PIGO: variants seen among roughly 807,000 people sequenced by gnomAD.
The protein encoded by PIGO is GPI ethanolamine phosphate transferase 3, catalytic subunit.
In PIGO, 66 loss-of-function variants were observed where a neutral mutation model predicts 86.9. That is an observed-to-expected ratio of 0.76 (90% CI 0.62 to 0.93). PIGO has a LOEUF of 0.93. Ranked by LOEUF, PIGO falls within the 40% of genes least tolerant of loss-of-function variation. The pLI, the probability that PIGO is intolerant of heterozygous loss-of-function variation, is 0.00. For missense variants in PIGO, 1,202 were observed against 1,359.1 expected, an observed-to-expected ratio of 0.88 and a Z score of 1.82; for synonymous variants, 570 against 556.4, an observed-to-expected ratio of 1.02 and a Z score of -0.34.
In PIGO at chr9:35,089,960, T is replaced by C. The variant is rs955704999; in HGVS notation, c.3069+106A>G. The C allele has an allele frequency of 1.0e-5, 15 of 1,486,222 alleles. No homozygotes were observed. In the Admixed American group the frequency reaches 1.3e-4, roughly 13 times the overall value. 92.1% of individuals were successfully genotyped at this position (1,486,222 alleles called of 1,614,324 possible). A position where few individuals can be genotyped will look rare whatever the true frequency, so the allele number is the denominator to read the frequency against. ...TGGGCTTGGGCAACCACTTCACTTA[T>C]GTGAAACTCAGTCAAGGCTCTCTCC... On this transcript the variant is annotated intron_variant, in intron 9 of 10. Transcript: ENST00000378617.
intron 1 of PIGO, 131 bp from the exon 2 acceptor site, chr9:35,095,697 C>A (rs1375044322): frequency 2.6e-6 from 3 of 1,150,564 alleles, no homozygotes; most frequent in Non-Finnish European, 3.6e-6. Flanking sequence ...ATTTCACAGC[C>A]AACCCCTCGC....
In PIGO at chr9:35,093,597, G is replaced by A. The variant is rs201657567; in HGVS notation, c.780-17C>T. The A allele has an allele frequency of 4.1e-5, 65 of 1,581,516 alleles. No homozygotes were observed. In the South Asian group the frequency reaches 6.5e-4, roughly 16 times the overall value. On this transcript the variant is annotated splice_polypyrimidine_tract_variant and intron_variant, in intron 4 of 10. Coordinates refer to ENST00000378617, the MANE Select transcript of PIGO (RefSeq NM_032634.4). Reference sequence around the variant, plus strand: ...ACAAGTCCCCTGGGGGCCAATAAATGTGTCAGGAGTAGAAACGGATAAATA... The same window carrying A: ...ACAAGTCCCCTGGGGGCCAATAAATATGTCAGGAGTAGAAACGGATAAATA...
At position 35,091,883 on chromosome 9, in the gene PIGO, C is replaced by T. The variant is rs10814196; in HGVS notation, c.2004G>A (p.Leu668=). 0.21 allele frequency: 341,134 copies of T among 1,614,058 alleles called. 37,696 individuals are homozygous for T. Among genetic ancestry groups the T allele is most frequent in the South Asian group, 0.27 (24,342 of 91,078 alleles). ...ASMVGGRAKN[L]WYGACVAALV... ...GCGCCGCCACACAAGCTCCATACCA[C>T]AAATTCTTGGCTCGACCACCCACCA... Residue 668 remains leucine (L), a synonymous_variant, in exon 7 of 11, where the codon TTG becomes TTA. Coordinates refer to ENST00000378617, the MANE Select transcript of PIGO (RefSeq NM_032634.4).
At chr9:35,090,389 C>A in intron 8 of PIGO, 77 bp downstream of exon 8, 2 of 1,547,296 alleles carry the variant, frequency 1.3e-6, no homozygotes, top group Admixed American at 1.9e-5. Context: ...CATATCTCTC[C>A]ATTCAAATCC....
rs2240115 is a variant in PIGO at position 35,093,852 on chromosome 9, G to A, written c.779+49C>T. On this transcript the variant is annotated intron_variant, in intron 4 of 10. Transcript: ENST00000378617. ...GAAGCTCTAAGATAAGAGCTTCTTC[G>A]AGATTCTCAGACACAAACCCACTCC... 0.044 allele frequency: 70,970 copies of A among 1,598,920 alleles called. 4,187 individuals carry two copies. Among genetic ancestry groups the A allele is most frequent in the East Asian group, 0.34 (15,231 of 44,604 alleles).
At chr9:35,095,942 T>G in intron 1 of PIGO, 1 of 188,682 alleles carries the variant, frequency 5.3e-6, no homozygotes, top group Non-Finnish European at 1.1e-5. Context: ...AGGCGGAGGT[T>G]GCAGTGAGCC....
chr9:35,092,881 G>T (rs1829498589), intron 6 of PIGO, 114 bp from the exon 7 acceptor site: 2 of 1,375,238 alleles, frequency 1.5e-6, no homozygotes, highest in Non-Finnish European at 2.0e-6. Flanking sequence ...CCCAAACTCT[G>T]TCCAGAATCG....
At chr9:35,094,062 C>T (rs1039596206) in intron 3 of PIGO, 38 bp from the exon 4 acceptor site, 1 of 1,601,632 alleles carries the variant, frequency 6.2e-7, no homozygotes, top group Non-Finnish European at 8.5e-7. Flanking sequence ...AAGACTAAGA[C>T]CCACTCCTCA....
intron 7 of PIGO, 94 bp from the exon 8 acceptor site, chr9:35,090,766 C>T: frequency 8.1e-7 from 1 of 1,230,996 alleles, no homozygotes; most frequent in South Asian, 1.5e-5. Context: ...ACTTCAGTAT[C>T]AATTCTCATA....
chr9:35,092,755 G>A lies in PIGO; in HGVS notation c.1132C>T (p.Leu378Phe), dbSNP rs746870615. The change falls in exon 7 of 11, where the codon CTT becomes TTT. Residue 378 changes from leucine to phenylalanine, a missense_variant. Transcript: ENST00000378617. ...TGAGTAGCAGCTGAGTAGGTATGAA[G>A]AAATCGGGACACCTGGCAGAGAAAA... ...HLNAQQVSRFLHTYSAATQDL... is the reference protein window; with the variant it reads ...HLNAQQVSRFFHTYSAATQDL... The A allele has an allele frequency of 1.0e-4, 165 of 1,605,420 alleles. No individual in the cohort carries two copies. In the Middle Eastern group the frequency reaches 5.0e-3, roughly 49 times the overall value.
intron 1 of PIGO, chr9:35,095,841 C>T (rs888667786): frequency 2.3e-4 from 71 of 303,114 alleles, no homozygotes; most frequent in African/African-American, 1.3e-3. Flanking sequence ...TGGCGAAACC[C>T]CGTCCCTACT....
chr9:35,091,098 A>C, intron 7 of PIGO, 142 bp downstream of exon 7: 3 of 944,838 alleles, frequency 3.2e-6, no homozygotes, highest in Non-Finnish European at 4.6e-6. Flanking sequence ...GAGAGAGGAC[A>C]CCAAGAAGAC....
Position 35,095,467 on chromosome 9 carries a change from C to G in PIGO, c.99G>C (p.Leu33Phe). 1 of 1,613,722 alleles carries G rather than the reference C, an allele frequency of 6.2e-7. No homozygotes were observed. Among genetic ancestry groups the G allele is most frequent in the Non-Finnish European group, 8.5e-7 (1 of 1,179,882 alleles). ...GGCAGCTGCTATGGTTGGTGAGCTC[C>G]AAACGGGTGAGCAGGAAGCCACTGG... is the stretch of plus-strand genomic sequence containing the variant. ...LFTSGFLLTRLELTNHSSCQE... is the reference protein window; with the variant it reads ...LFTSGFLLTRFELTNHSSCQE... The change falls in exon 2 of 11, where the codon TTG (leucine) becomes TTC (phenylalanine). Residue 33 changes from leucine to phenylalanine, a missense_variant. Leu to Phe is a conservative substitution (Grantham distance 22). Coordinates refer to ENST00000378617, the MANE Select transcript of PIGO (RefSeq NM_032634.4).
rs564221991 is a variant in PIGO at position 35,095,441 on chromosome 9, T to G, written c.125A>C (p.Gln42Pro). 1.2e-6 allele frequency: 2 copies of G among 1,614,018 alleles called. No individual in the cohort carries two copies. The highest frequency in any genetic ancestry group is 1.7e-6 in the Non-Finnish European group (2 of 1,179,976). The part of the protein sequence containing the change: ...RLELTNHSSC[Q>P]EPPGPGSLPW... ...CAGGGACCCAGGGCCTGGGGGCTCT[T>G]GGCAGCTGCTATGGTTGGTGAGCTC... The change falls in exon 2 of 11, where the codon CAA (glutamine) becomes CCA (proline). Residue 42 changes from glutamine to proline, a missense_variant. Coordinates refer to ENST00000378617, the MANE Select transcript of PIGO (RefSeq NM_032634.4).
At position 35,092,564 on chromosome 9, in the gene PIGO, C is replaced by T. The variant is rs1324127891; in HGVS notation, c.1323G>A (p.Glu441=). Residue 441 remains glutamate (E), a synonymous_variant, in exon 7 of 11, where the codon GAG becomes GAA. Coordinates refer to ENST00000378617, the MANE Select transcript of PIGO (RefSeq NM_032634.4). ...GGACCAGAGAGAAACGAGCCCAAGACTCGATGCACATGGCCCGAGCTCCCC... is the reference window on the plus strand; with the variant it reads ...GGACCAGAGAGAAACGAGCCCAAGATTCGATGCACATGGCCCGAGCTCCCC... The part of the protein sequence containing the change: ...FLRGARAMCI[E]SWARFSLVRM... The T allele has an allele frequency of 2.5e-6, 4 of 1,614,240 alleles. No homozygotes were observed. Among genetic ancestry groups the T allele is most frequent in the Non-Finnish European group, 1.7e-6 (2 of 1,180,034 alleles).
At chr9:35,090,768 A>T (rs1421278556) in intron 7 of PIGO, 96 bp from the exon 8 acceptor site, 1 of 1,202,146 alleles carries the variant, frequency 8.3e-7, no homozygotes, top group Non-Finnish European at 1.2e-6. Flanking sequence ...TTCAGTATCA[A>T]TTCTCATACA....
intron 4 of PIGO, 87 bp from the exon 5 acceptor site, chr9:35,093,667 T>C: frequency 1.4e-6 from 2 of 1,461,518 alleles, no homozygotes; most frequent in Non-Finnish European, 1.8e-6. Flanking sequence ...GGCCTATTCA[T>C]CCCCAGCTAT....
chr9:35,093,175 G>T lies in PIGO; in HGVS notation c.974C>A (p.Pro325His), dbSNP rs1364028691. The change falls in exon 6 of 11, where the codon CCC (proline) becomes CAC (histidine). Residue 325 changes from proline (P) to histidine (H), a missense_variant. By Grantham distance (77) the Pro-to-His change is moderately conservative (BLOSUM62 -2). Transcript: ENST00000378617. ...CAGGCCCAGCAGCAGGGCCAGCGTG[G>T]GCACAAGGCTAACTTGAGGAATCAC... ...PEVIPQVSLV[P>H]TLALLLGLPI... 34 of 1,613,984 alleles carry T rather than the reference G, an allele frequency of 2.1e-5. No individual in the cohort carries two copies. Among genetic ancestry groups the T allele is most frequent in the Non-Finnish European group, 2.5e-5 (29 of 1,179,856 alleles).
rs751648841 is a variant in PIGO at position 35,093,518 on chromosome 9, G to A, written c.842C>T (p.Thr281Ile). Residue 281 changes from threonine (T) to isoleucine (I), a missense_variant, in exon 5 of 11, where the codon ACC (threonine) becomes ATC (isoleucine). By Grantham distance (89) the Thr-to-Ile change is moderately conservative. Transcript: ENST00000378617. ...LLVVAGDHGM[T>I]TNGDHGGDSE... ...GTCCCCTCCATGGTCTCCATTTGTGGTCATCCCATGGTCCCCAGCCACTAC... is the reference window on the plus strand; with the variant it reads ...GTCCCCTCCATGGTCTCCATTTGTGATCATCCCATGGTCCCCAGCCACTAC... The A allele has an allele frequency of 6.2e-7, 1 of 1,614,016 alleles. No individual in the cohort carries two copies. Among genetic ancestry groups the A allele is most frequent in the Non-Finnish European group, 8.5e-7 (1 of 1,179,996 alleles).
Sources: gnomAD v4.1 joint callset for allele counts on GRCh38, gnomAD v4.1.1 for gene constraint, MANE v1.5 for transcripts, NCBI Gene and HGNC (gene_info 2026-07-23, HGNC 2026-07-21) for gene names.